Variants in DCDC2 observed in about 807,000 individuals in gnomAD.
DCDC2 encodes the protein doublecortin domain containing 2.
A neutral mutation model predicts 50.2 loss-of-function variants in DCDC2; 40 were observed. The ratio of observed to expected loss-of-function variants is 0.80; its 90% CI spans 0.62 to 1.04. The LOEUF (loss-of-function observed/expected upper bound fraction) is 1.04. DCDC2 is among the 50% of genes least tolerant of loss of function. The probability of loss-of-function intolerance (pLI) is 0.00; values close to 1 mark genes in which losing one functional copy is unlikely to be tolerated. For missense variants in DCDC2, 570 were observed against 581.9 expected (o/e 0.98, Z 0.21); for synonymous variants, 234 against 210.6 (o/e 1.11, Z -0.96).
intron 5 of DCDC2, among the ~76,000 whole-genome samples, chr6:24,290,064 G>A (rs1057473265): frequency 3.9e-5 from 5 of 128,328 alleles, no homozygotes; most frequent in Non-Finnish European, 6.3e-5. Context: ...CGGGATCTCA[G>A]CTCACTGCAA....
At chr6:24,203,007 C>T (rs879062641) in intron 8 of DCDC2, among the ~76,000 whole-genome samples, 2 of 152,176 alleles carry the variant, frequency 1.3e-5, no homozygotes, top group Non-Finnish European at 2.9e-5. Flanking sequence ...AATGGAAAAA[C>T]ATTCCATTCT....
intron 7 of DCDC2, among the ~76,000 whole-genome samples, chr6:24,256,135 A>T (rs1762893023): frequency 2.0e-5 from 3 of 152,224 alleles, no homozygotes; most frequent in Admixed American, 1.3e-4. Context: ...AAAGGTTACA[A>T]CATAGTATGT....
At chr6:24,358,878 ATTATATATAT>A (rs1760549678), upstream of DCDC2, among the ~76,000 whole-genome samples, 1 of 16,400 alleles carries the variant, frequency 6.1e-5, no homozygotes, top group Non-Finnish European at 8.7e-5. Context: ...ATATATATGT[ATTATATATAT>A]TTATATATAT....
chr6:24,224,774 C>T (rs1762192683), intron 7 of DCDC2, among the ~76,000 whole-genome samples: 1 of 152,208 alleles, frequency 6.6e-6, no homozygotes, highest in African/African-American at 2.4e-5. Flanking sequence ...GATCCCACAG[C>T]ATGCTGGATC....
chr6:24,357,502 C>T lies in DCDC2; in HGVS notation c.249G>A (p.Gly83=). The part of the protein sequence containing the change: ...RIRKLDQIQS[G]GNYVAGGQEA... Reference sequence around the variant, plus strand: ...CCTGGCCTCCAGCCACGTAATTGCCCCCGCTCTGGATCTGGTCTAGCTTCC... The same window carrying T: ...CCTGGCCTCCAGCCACGTAATTGCCTCCGCTCTGGATCTGGTCTAGCTTCC... Residue 83 remains glycine, a synonymous_variant, in exon 1 of 10, where the codon GGG becomes GGA. Coordinates refer to ENST00000378454, the MANE Select transcript of DCDC2 (RefSeq NM_016356.5). The T allele has an allele frequency of 1.9e-6, 3 of 1,611,886 alleles. No individual in the cohort carries two copies. Among genetic ancestry groups the T allele is most frequent in the Non-Finnish European group, 2.5e-6 (3 of 1,178,854 alleles).
chr6:24,244,494 T>G (rs753603143), intron 7 of DCDC2, among the ~76,000 whole-genome samples: 10 of 152,168 alleles, frequency 6.6e-5, no homozygotes, highest in Non-Finnish European at 1.5e-4. Context: ...TCTCCTTCAT[T>G]TGATCTGGCT....
intron 4 of DCDC2, among the ~76,000 whole-genome samples, chr6:24,298,503 C>T (rs966772572): frequency 6.6e-6 from 1 of 152,246 alleles, no homozygotes; most frequent in Non-Finnish European, 1.5e-5. Context: ...AGCCCTGCTA[C>T]TCAGTATCTC....
chr6:24,345,477 T>C (rs1198041766), intron 2 of DCDC2, among the ~76,000 whole-genome samples: 2 of 152,180 alleles, frequency 1.3e-5, no homozygotes, highest in African/African-American at 2.4e-5. Flanking sequence ...CTTTCTCTCT[T>C]CCTCTCCTGG....
chr6:24,383,209 C>T, the DCDC2 span, among the ~76,000 whole-genome samples: 1 of 151,920 alleles, frequency 6.6e-6, no homozygotes, highest in Non-Finnish European at 1.5e-5. Flanking sequence ...GCCTGTAATT[C>T]CAGCTACTCA....
intron 7 of DCDC2, among the ~76,000 whole-genome samples, chr6:24,275,110 T>C (rs1763323530): frequency 1.3e-5 from 2 of 152,194 alleles, no homozygotes; most frequent in Non-Finnish European, 1.5e-5. Flanking sequence ...CTTTTACCTT[T>C]ATGAGGAATA....
intron 2 of DCDC2, among the ~76,000 whole-genome samples, chr6:24,303,089 C>T (rs1759412040): frequency 6.6e-6 from 1 of 151,808 alleles, no homozygotes; most frequent in South Asian, 2.1e-4. Context: ...GCTGTCTCTG[C>T]TTGTTCATTC....
chr6:24,274,395 T>C (rs1763304392), intron 7 of DCDC2, among the ~76,000 whole-genome samples: 1 of 151,976 alleles, frequency 6.6e-6, no homozygotes, highest in Non-Finnish European at 1.5e-5. Flanking sequence ...GCAACTCAAG[T>C]GGAAAGTGTA....
chr6:24,178,423 C>T lies in DCDC2; in HGVS notation c.1233G>A (p.Glu411=), dbSNP rs878958751. The change falls in exon 9 of 10, where the codon GAG becomes GAA. Residue 411 remains glutamate (E), a synonymous_variant. Transcript: ENST00000378454. ...PARVNGGTDE[E]NGEELQQVNN... ...TAACCTGCTGCAGCTCCTCACCATT[C>T]TCCTCATCGGTGCCTCCATTTACAC... The T allele has an allele frequency of 1.2e-6, 2 of 1,614,210 alleles. No homozygotes were observed. Among genetic ancestry groups the T allele is most frequent in the Admixed American group, 1.7e-5 (1 of 60,032 alleles).
At chr6:24,292,800 T>C (rs1006536175) in intron 4 of DCDC2, among the ~76,000 whole-genome samples, 1 of 152,220 alleles carries the variant, frequency 6.6e-6, no homozygotes, top group African/African-American at 2.4e-5. Context: ...CTGTACATTG[T>C]AAGATGTTTA....
At chr6:24,378,840 G>A in the DCDC2 span, among the ~76,000 whole-genome samples, 3 of 151,576 alleles carry the variant, frequency 2.0e-5, no homozygotes, top group African/African-American at 7.3e-5. Context: ...TGTAGTCTCA[G>A]CTACCTGAAG....
chr6:24,310,792 C>A (rs1192321248), intron 2 of DCDC2, among the ~76,000 whole-genome samples: 1 of 152,182 alleles, frequency 6.6e-6, no homozygotes, highest in African/African-American at 2.4e-5. Flanking sequence ...TTGCATTATT[C>A]AGTTTTCATA....
Position 24,278,204 on chromosome 6 carries a change from T to C in DCDC2, c.767A>G (p.Asp256Gly), listed in dbSNP as rs1763402103. Residue 256 changes from aspartate to glycine, a missense_variant, in exon 7 of 10, where the codon GAT becomes GGT. Asp to Gly is a moderately conservative substitution (Grantham distance 94). Coordinates refer to ENST00000378454, the MANE Select transcript of DCDC2 (RefSeq NM_016356.5). ...GSRKSKGSGN[D>G]RHSKSTVGSS... is the part of the protein sequence containing the mutation. ...TCCAACTGTTGACTTAGAGTGGCGA[T>C]CATTTCCCTAAATGGCAAAGTATTA... The C allele has an allele frequency of 6.2e-7, 1 of 1,606,972 alleles. No homozygotes were observed. Among genetic ancestry groups the C allele is most frequent in the African/African-American group, 1.3e-5 (1 of 74,372 alleles).
intron 6 of DCDC2, among the ~76,000 whole-genome samples, chr6:24,281,602 A>G (rs959761775): frequency 6.6e-6 from 1 of 151,452 alleles, no homozygotes; most frequent in Admixed American, 6.6e-5. Flanking sequence ...TTATATACAC[A>G]TATAATTCAT....
intron 8 of DCDC2, among the ~76,000 whole-genome samples, chr6:24,197,009 C>T (rs575535248): frequency 1.1e-4 from 17 of 152,160 alleles, no homozygotes; most frequent in Non-Finnish European, 1.5e-4. Flanking sequence ...ATAAGCACCT[C>T]GTATCGAACA....
Sources: allele counts gnomAD v4.1 joint callset (sites outside exome capture counted in the v4.1 genomes callset), GRCh38; gene constraint gnomAD v4.1.1; transcripts MANE v1.5; gene names NCBI Gene and HGNC (gene_info 2026-07-23, HGNC 2026-07-21).